The following CHD5 variants were observed in gnomAD, a reference collection of about 807,000 sequenced individuals.
The protein encoded by CHD5 is chromodomain helicase DNA binding protein 5, also known as ATP-dependent chromatin remodeler CHD5.
A neutral mutation model predicts 230.3 loss-of-function variants in CHD5; 69 were observed. That is an observed-to-expected ratio of 0.30 (90% CI 0.25 to 0.37). The LOEUF is 0.37. CHD5 is among the 10% of genes least tolerant of loss of function. CHD5 has a pLI of 1.00. For synonymous variants in CHD5, 1,064 were observed against 1,065.9 expected, an observed-to-expected ratio of 1.00 and a Z score of 0.03; for missense variants, 1,827 against 2,622.8, an observed-to-expected ratio of 0.70 and a Z score of 6.63.
At chr1:6,109,024 C>A (rs1283880821) in intron 38 of CHD5, among the ~76,000 whole-genome samples, 2 of 151,954 alleles carry the variant, frequency 1.3e-5, no homozygotes, top group Non-Finnish European at 2.9e-5. Context: ...CCAGGGGGTG[C>A]CCTGCACCAG....
At chr1:6,163,194 C>T (rs1667204106) in intron 2 of CHD5, among the ~76,000 whole-genome samples, 1 of 152,178 alleles carries the variant, frequency 6.6e-6, no homozygotes, top group African/African-American at 2.4e-5. Context: ...CATCTGTGGC[C>T]CCTTCCCTGC....
intron 39 of CHD5, 29 bp from the exon 40 acceptor site, chr1:6,106,538 G>A: frequency 6.4e-7 from 1 of 1,550,448 alleles, no homozygotes; most frequent in African/African-American, 1.4e-5. Context: ...CTTCACAGGT[G>A]GTCTCAGGCC....
chr1:6,135,026 C>A (rs1666717278), intron 18 of CHD5, among the ~76,000 whole-genome samples, 167 bp from the exon 19 acceptor site: 1 of 152,190 alleles, frequency 6.6e-6, no homozygotes, highest in African/African-American at 2.4e-5. Context: ...CTGCAAGTGA[C>A]TGGGGGACAC....
intron 2 of CHD5, among the ~76,000 whole-genome samples, chr1:6,162,496 G>A (rs1357879302): frequency 6.6e-6 from 1 of 152,156 alleles, no homozygotes; most frequent in Non-Finnish European, 1.5e-5. Context: ...GGAGGGGAGG[G>A]ATGGGACGTG....
chr1:6,118,991 C>T (rs1666419936), intron 33 of CHD5, among the ~76,000 whole-genome samples: 3 of 151,422 alleles, frequency 2.0e-5, no homozygotes, highest in African/African-American at 7.3e-5. Flanking sequence ...AGCTACCATG[C>T]CCGACCTGAA....
chr1:6,113,229 G>A, intron 33 of CHD5: 1 of 520,576 alleles, frequency 1.9e-6, no homozygotes, highest in Non-Finnish European at 3.5e-6. Context: ...TTCAAGACCA[G>A]CCTGGCAACA....
chr1:6,120,701 G>A (rs563967565), intron 33 of CHD5, among the ~76,000 whole-genome samples: 7 of 151,896 alleles, frequency 4.6e-5, no homozygotes, highest in African/African-American at 1.2e-4. Flanking sequence ...ACAAGAGATC[G>A]AGACCATCCT....
chr1:6,114,288 C>T (rs1227980606), intron 33 of CHD5, among the ~76,000 whole-genome samples: 2 of 151,622 alleles, frequency 1.3e-5, no homozygotes, highest in African/African-American at 4.8e-5. Flanking sequence ...GATGAGGATG[C>T]ACCCAATCTA....
In CHD5 at chr1:6,142,249, G is replaced by A. The variant is rs770153232; in HGVS notation, c.2315C>T (p.Ala772Val). The change falls in exon 15 of 42, where the codon GCG becomes GTG. Residue 772 changes from alanine (A) to valine (V), a missense_variant. Coordinates refer to ENST00000262450, the MANE Select transcript of CHD5 (RefSeq NM_015557.3). This position sits in a 1 kb window ranked among gnomAD's most constrained non-coding sequence, Gnocchi z 5.2. ...INWEREFEMW[A>V]PDFYVVTYTG... The stretch of plus-strand genomic sequence containing the variant: ...GTAGGTGACCACGTAGAAGTCGGGC[G>A]CCCACATCTCAAACTCGCGTTCCCA... 2.2e-5 allele frequency: 35 copies of A among 1,613,970 alleles called. No homozygotes were observed. The highest frequency in any genetic ancestry group is 1.6e-4 in the Middle Eastern group (1 of 6,084).
Position 6,134,069 on chromosome 1 carries a change from G to A in CHD5, c.3144+59C>T, listed in dbSNP as rs913078451. On this transcript the variant is annotated intron_variant, in intron 20 of 41. Coordinates refer to ENST00000262450, the MANE Select transcript of CHD5 (RefSeq NM_015557.3). The surrounding 1 kb of genome is among the most constrained non-coding windows in gnomAD (Gnocchi z 6.3). ...AGCAAGTTTGCGCCCCCAAGCATCA[G>A]GGCAGGATGCTCTCTGTGGGGTGTG... 6.4e-7 allele frequency: 1 copy of A among 1,564,640 alleles called. No individual in the cohort carries two copies.
At position 6,146,926 on chromosome 1, in the gene CHD5, A is replaced by G; in HGVS notation, c.1384-55T>C. Reference sequence around the variant, plus strand: ...GGCTCAGCTGCAGGGCCCCACCCTGAGGCTCCCATGACAGCAGGCTGCCAT... The same window carrying G: ...GGCTCAGCTGCAGGGCCCCACCCTGGGGCTCCCATGACAGCAGGCTGCCAT... On this transcript the variant is annotated intron_variant, in intron 9 of 41. Coordinates refer to ENST00000262450, the MANE Select transcript of CHD5 (RefSeq NM_015557.3). The surrounding 1 kb of genome is among the most constrained non-coding windows in gnomAD (Gnocchi z 5.1). 3.0e-6 allele frequency: 4 copies of G among 1,350,802 alleles called. No individual in the cohort carries two copies. The highest frequency in any genetic ancestry group is 4.0e-6 in the Non-Finnish European group (4 of 1,011,568). 83.7% of individuals were successfully genotyped at this position (1,350,802 alleles called of 1,614,324 possible).
In CHD5 at chr1:6,146,122, G is replaced by T; in HGVS notation, c.1802+90C>A. On this transcript the variant is annotated intron_variant, in intron 11 of 41. Coordinates refer to ENST00000262450, the MANE Select transcript of CHD5 (RefSeq NM_015557.3). This position sits in a 1 kb window ranked among gnomAD's most constrained non-coding sequence, Gnocchi z 5.1. ...CGGCAGCCCCAAAGCAAGGGCCCTG[G>T]CACCCTGCGCTGCACCCATTTTACA... The T allele has an allele frequency of 7.7e-7, 1 of 1,302,552 alleles. No individual in the cohort carries two copies. 80.7% of individuals were successfully genotyped at this position (1,302,552 alleles called of 1,614,324 possible).
chr1:6,163,826 T>G (rs761146559), intron 2 of CHD5, among the ~76,000 whole-genome samples: 8 of 152,188 alleles, frequency 5.3e-5, no homozygotes, highest in Non-Finnish European at 1.2e-4. Context: ...ACTGCAGGCA[T>G]GAAGATACAG....
At chr1:6,159,269 G>A in intron 3 of CHD5, 67 bp downstream of exon 3, 2 of 1,537,998 alleles carry the variant, frequency 1.3e-6, no homozygotes, top group Admixed American at 2.0e-5. Flanking sequence ...AGAACATACA[G>A]GCAAGAGGCT....
chr1:6,163,092 C>T (rs532335144), intron 2 of CHD5, among the ~76,000 whole-genome samples: 1 of 152,318 alleles, frequency 6.6e-6, no homozygotes, highest in Non-Finnish European at 1.5e-5. Flanking sequence ...ACAGGGCTCG[C>T]CCAGCGTCCG....
chr1:6,131,632 A>G lies in CHD5; in HGVS notation c.3261T>C (p.Asn1087=), dbSNP rs376219013. 6 of 1,578,004 alleles carry G rather than the reference A, an allele frequency of 3.8e-6. No individual in the cohort carries two copies. Among genetic ancestry groups the G allele is most frequent in the Non-Finnish European group, 4.4e-6 (5 of 1,147,276 alleles). ...GLRQEAIDRF[N]APGAQQFCFL... The stretch of plus-strand genomic sequence containing the variant: ...AACCCTTGGGCAGGATGGGGGTACC[A>G]TTGAATCTGTCGATTGCCTCCTGCC... Residue 1087 remains asparagine (N), a splice_region_variant and synonymous_variant, in exon 21 of 42, where the codon AAT becomes AAC. Coordinates refer to ENST00000262450, the MANE Select transcript of CHD5 (RefSeq NM_015557.3). The surrounding 1 kb of genome is among the most constrained non-coding windows in gnomAD (Gnocchi z 5.0).
rs986909187 is a variant in CHD5, at chr1:6,128,315, C to T, written c.3731-97G>A. 19 of 1,324,462 alleles carry T rather than the reference C, an allele frequency of 1.4e-5. No homozygotes were observed. The African/African-American group carries it at 2.3e-4, about 16-fold the overall frequency. The allele number at this position is 1,324,462 out of a possible 1,614,324, so 82.0% of individuals were successfully genotyped here. On this transcript the variant is annotated intron_variant, in intron 24 of 41. Coordinates refer to ENST00000262450, the MANE Select transcript of CHD5 (RefSeq NM_015557.3). The surrounding 1 kb of genome is among the most constrained non-coding windows in gnomAD (Gnocchi z 7.8). ...TCCCAACAATGGCCCTTCCCATCCC[C>T]AGCAGGGGCTGCAGCTGAGAGGCAT...
chr1:6,136,687 G>A (rs775835611), intron 16 of CHD5, 41 bp downstream of exon 16: 18 of 1,611,358 alleles, frequency 1.1e-5, no homozygotes, highest in African/African-American at 9.4e-5. Context: ...GCGGCCCCTC[G>A]CCCCGGGAAG....
chr1:6,126,947 T>C lies in CHD5; in HGVS notation c.3904-201A>G. On this transcript the variant is annotated intron_variant, in intron 25 of 41. Transcript: ENST00000262450. This position sits in a 1 kb window ranked among gnomAD's most constrained non-coding sequence, Gnocchi z 5.7. The stretch of plus-strand genomic sequence containing the variant: ...CCCTGCCCCTATCCAGTCAATCATT[T>C]ACTTATTCATCCATCCATTCACAAA... 1 of 592,122 alleles carries C rather than the reference T, an allele frequency of 1.7e-6. No homozygotes were observed. Among genetic ancestry groups the C allele is most frequent in the Non-Finnish European group, 3.0e-6 (1 of 332,218 alleles). The allele number at this position is 592,122 out of a possible 1,614,324, so 36.7% of individuals were successfully genotyped here. A position where few individuals can be genotyped will look rare whatever the true frequency, so the allele number is the denominator to read the frequency against.
Sources: gnomAD v4.1 joint callset for allele counts (sites outside exome capture counted in the v4.1 genomes callset) on GRCh38, gnomAD v4.1.1 for gene constraint, Gnocchi (gnomAD v3.1) non-coding constraint, MANE v1.5 for transcripts, NCBI Gene and HGNC (gene_info 2026-07-23, HGNC 2026-07-21) for gene names.